PLXNC1: variants seen among roughly 807,000 people sequenced by gnomAD.
PLXNC1 encodes plexin C1.
A neutral mutation model predicts 178.2 loss-of-function variants in PLXNC1; 75 were observed. The ratio of observed to expected loss-of-function variants is 0.42; its 90% CI spans 0.35 to 0.51. The LOEUF is 0.51. PLXNC1 is among the 20% of genes least tolerant of loss of function. The pLI, the probability that PLXNC1 is intolerant of heterozygous loss-of-function variation, is 0.02. For synonymous variants in PLXNC1, 790 were observed against 779.9 expected, an observed-to-expected ratio of 1.01 and a Z score of -0.22; for missense variants, 1,503 against 1,984.4, an observed-to-expected ratio of 0.76 and a Z score of 4.61.
At chr12:94,277,190 T>C (rs1966028557) in intron 21 of PLXNC1, 1 of 152,218 alleles carries the variant, frequency 6.6e-6, no homozygotes, top group African/African-American at 2.4e-5. Flanking sequence ...GCCTTCCTGC[T>C]GGGTCCTCAC....
chr12:94,213,082 T>C (rs1373001888), intron 5 of PLXNC1, among the ~76,000 whole-genome samples: 1 of 152,242 alleles, frequency 6.6e-6, no homozygotes. Flanking sequence ...TCCAAGTCTT[T>C]GCTATGGTGA....
At position 94,303,886 on chromosome 12, in the gene PLXNC1, A is replaced by G. The variant is rs761231417; in HGVS notation, c.4517A>G (p.Gln1506Arg). Residue 1506 changes from glutamine to arginine, a missense_variant, in exon 29 of 31, where the codon CAG (glutamine) becomes CGG (arginine). Gln to Arg is a conservative substitution (Grantham distance 43). Around this residue, in one of 4 missense-constraint regions of PLXNC1, gnomAD observed 639 missense variants for 979.7 expected, o/e 0.65. Coordinates refer to ENST00000258526, the MANE Select transcript of PLXNC1 (RefSeq NM_005761.3). ...SSSEMEEFLT[Q>R]ESKKHENEFN... ...TCAGAAATGGAAGAATTTTTAACTCAGGAATCTAAGGTATCATTAGAAAGC... is the reference window on the plus strand; with the variant it reads ...TCAGAAATGGAAGAATTTTTAACTCGGGAATCTAAGGTATCATTAGAAAGC... The G allele has an allele frequency of 2.2e-5, 36 of 1,608,566 alleles. No individual in the cohort carries two copies. Among genetic ancestry groups the G allele is most frequent in the Non-Finnish European group, 3.0e-5 (35 of 1,177,846 alleles).
chr12:94,233,243 G>A (rs1047138600), intron 9 of PLXNC1, among the ~76,000 whole-genome samples: 1 of 152,224 alleles, frequency 6.6e-6, no homozygotes, highest in African/African-American at 2.4e-5. Flanking sequence ...AATAGGCTTA[G>A]TGAGGCAACT....
At chr12:94,279,114 C>A (rs1002314296) in intron 21 of PLXNC1, among the ~76,000 whole-genome samples, 18 of 152,208 alleles carry the variant, frequency 1.2e-4, no homozygotes, top group Non-Finnish European at 2.5e-4. Context: ...AATCACCAGT[C>A]TGCCTCATCT....
At chr12:94,223,938 G>C (rs1004851167) in intron 6 of PLXNC1, among the ~76,000 whole-genome samples, 1 of 152,162 alleles carries the variant, frequency 6.6e-6, no homozygotes, top group African/African-American at 2.4e-5. Context: ...AGGAGAGTAT[G>C]AGATGTAAAT....
intron 17 of PLXNC1, 105 bp from the exon 18 acceptor site, chr12:94,259,232 A>T: frequency 5.0e-6 from 4 of 802,008 alleles, no homozygotes; most frequent in Non-Finnish European, 8.3e-6. Flanking sequence ...CAGATTAGCA[A>T]ATAGTGTCTC....
At chr12:94,202,832 G>T (rs1478294326) in intron 4 of PLXNC1, among the ~76,000 whole-genome samples, 1 of 152,172 alleles carries the variant, frequency 6.6e-6, no homozygotes, top group Non-Finnish European at 1.5e-5. Flanking sequence ...AGGAAGGCAG[G>T]GGCCAGATCA....
At chr12:94,204,205 G>A (rs1963229050) in intron 4 of PLXNC1, among the ~76,000 whole-genome samples, 1 of 152,172 alleles carries the variant, frequency 6.6e-6, no homozygotes, top group Non-Finnish European at 1.5e-5. Flanking sequence ...AGGCAATATA[G>A]GTAGCTGATG....
Position 94,149,861 on chromosome 12 carries a change from C to T in PLXNC1, c.890C>T (p.Ser297Phe). 1.3e-6 allele frequency: 2 copies of T among 1,587,968 alleles called. No homozygotes were observed. Among genetic ancestry groups the T allele is most frequent in the Non-Finnish European group, 8.6e-7 (1 of 1,167,842 alleles). Residue 297 changes from serine to phenylalanine, a missense_variant, in exon 1 of 31, where the codon TCC becomes TTC. Coordinates refer to ENST00000258526, the MANE Select transcript of PLXNC1 (RefSeq NM_005761.3). ...GACGGCCGCCGCCTGCTCCTCTCCT[C>T]CAGCCTAGTGGAGGCCCTGGACGTC... is the stretch of plus-strand genomic sequence containing the variant. ...HPDGRRLLLS[S>F]SLVEALDVWA...
At chr12:94,156,429 C>T (rs3847802) in intron 1 of PLXNC1, among the ~76,000 whole-genome samples, 25,273 of 151,774 alleles carry the variant, frequency 0.17, 2,224 homozygotes, top group East Asian at 0.28. Flanking sequence ...ACATCTACTC[C>T]CTCCCACCTG....
chr12:94,278,393 T>C (rs1966149799), intron 21 of PLXNC1, among the ~76,000 whole-genome samples: 1 of 152,240 alleles, frequency 6.6e-6, no homozygotes, highest in Non-Finnish European at 1.5e-5. Flanking sequence ...ATCTATTTGT[T>C]CTTAGACAAA....
At chr12:94,249,525 C>T (rs553442899) in intron 14 of PLXNC1, among the ~76,000 whole-genome samples, 6 of 152,188 alleles carry the variant, frequency 3.9e-5, no homozygotes, top group Non-Finnish European at 7.4e-5. Context: ...TGAGCTACCG[C>T]GCCCAGCCAA....
chr12:94,175,361 G>A (rs559014279), intron 2 of PLXNC1, among the ~76,000 whole-genome samples: 3 of 152,126 alleles, frequency 2.0e-5, no homozygotes, highest in Non-Finnish European at 4.4e-5. Context: ...AACACCCGTG[G>A]CTTTTCCATC....
intron 4 of PLXNC1, among the ~76,000 whole-genome samples, chr12:94,203,941 T>C (rs192944769): frequency 1.7e-4 from 26 of 152,364 alleles, no homozygotes; most frequent in Middle Eastern, 3.4e-3. Flanking sequence ...GGCTTCAGGC[T>C]GCAAATTCAG....
At chr12:94,208,428 T>C (rs1382453404) in intron 4 of PLXNC1, among the ~76,000 whole-genome samples, 3 of 152,130 alleles carry the variant, frequency 2.0e-5, no homozygotes, top group Non-Finnish European at 4.4e-5. Flanking sequence ...TTCTTAAGAA[T>C]TGAAAGAGAG....
intron 9 of PLXNC1, among the ~76,000 whole-genome samples, chr12:94,228,389 G>GGTTT (rs71774901): frequency 6.6e-6 from 1 of 151,514 alleles, no homozygotes; most frequent in African/African-American, 2.4e-5. Context: ...GTTGTTCCAG[G>GGTTT]GTTTGTTTGT....
At chr12:94,303,625 G>A in intron 28 of PLXNC1, 131 bp from the exon 29 acceptor site, 1 of 706,346 alleles carries the variant, frequency 1.4e-6, no homozygotes, top group Non-Finnish European at 2.2e-6. Flanking sequence ...ATGAAGCCTT[G>A]TTAGCAAGAG....
chr12:94,238,924 G>A (rs1964309550), intron 10 of PLXNC1, among the ~76,000 whole-genome samples: 1 of 152,038 alleles, frequency 6.6e-6, no homozygotes, highest in South Asian at 2.1e-4. Flanking sequence ...AGGTTTTTTT[G>A]TGCTGTTTAT....
At chr12:94,196,899 A>T (rs1201867490) in intron 4 of PLXNC1, among the ~76,000 whole-genome samples, 1 of 152,228 alleles carries the variant, frequency 6.6e-6, no homozygotes, top group Non-Finnish European at 1.5e-5. Flanking sequence ...CAGCTGCAGA[A>T]ACAAATTCCC....
Sources: allele counts gnomAD v4.1 joint callset (sites outside exome capture counted in the v4.1 genomes callset), GRCh38; gene constraint gnomAD v4.1.1; regional missense constraint gnomAD v4.1.1; transcripts MANE v1.5; gene names NCBI Gene and HGNC (gene_info 2026-07-23, HGNC 2026-07-21).